DAAM2: variants seen among roughly 807,000 people sequenced by gnomAD.
DAAM2 encodes dishevelled associated activator of morphogenesis 2, also known as disheveled-associated activator of morphogenesis 2.
In DAAM2, 39 loss-of-function variants were observed where a neutral mutation model predicts 120.7. The ratio of observed to expected loss-of-function variants is 0.32; its 90% CI spans 0.25 to 0.42. The LOEUF is 0.42. Ranked by LOEUF, DAAM2 falls within the 10% of genes least tolerant of loss-of-function variation. The pLI, the probability that DAAM2 is intolerant of heterozygous loss-of-function variation, is 1.00. For synonymous variants in DAAM2, 488 were observed against 524.9 expected, an observed-to-expected ratio of 0.93 and a Z score of 0.96; for missense variants, 1,283 against 1,401.7, an observed-to-expected ratio of 0.92 and a Z score of 1.35.
chr6:39,891,549 A>G, intron 18 of DAAM2, 85 bp from the exon 19 acceptor site: 1 of 1,516,796 alleles, frequency 6.6e-7, no homozygotes, highest in Admixed American at 1.9e-5. Flanking sequence ...GGCAGGCTTG[A>G]GAGGAGACTG....
rs375042575 is a variant in DAAM2 at position 39,879,318 on chromosome 6, C to G, written c.1686C>G (p.Pro562=). 1.9e-6 allele frequency: 3 copies of G among 1,586,892 alleles called. No homozygotes were observed. The highest frequency in any genetic ancestry group is 2.6e-6 in the Non-Finnish European group (3 of 1,160,590). ...CTCCCCCACCACCACCCCTTCCTCC[C>G]GGGGGACCCCCGACTCCCCCAGGTG... The part of the protein sequence containing the change: ...CPPPPPPPLP[P]GGPPTPPGAP... Residue 562 remains proline (P), a synonymous_variant, in exon 14 of 25, where the codon CCC becomes CCG. Transcript: ENST00000274867.
At chr6:39,870,221 T>G in intron 7 of DAAM2, 119 bp from the exon 8 acceptor site, 5 of 652,024 alleles carry the variant, frequency 7.7e-6, no homozygotes, top group Non-Finnish European at 1.1e-5. Context: ...CAGCTCCAGG[T>G]GAGTTAGCTG....
chr6:39,800,985 T>A (rs1470694070), intron 1 of DAAM2, among the ~76,000 whole-genome samples: 1 of 152,174 alleles, frequency 6.6e-6, no homozygotes, highest in African/African-American at 2.4e-5. Context: ...ATTTAATAAC[T>A]TGCCCAACAA....
intron 19 of DAAM2, 109 bp downstream of exon 19, chr6:39,891,831 C>A: frequency 1.2e-6 from 1 of 837,234 alleles, no homozygotes; most frequent in Non-Finnish European, 1.9e-6. Context: ...TTATTCTCAA[C>A]CCAAAAACAA....
intron 1 of DAAM2, among the ~76,000 whole-genome samples, chr6:39,827,158 G>A (rs1239496391): frequency 1.3e-5 from 2 of 152,222 alleles, no homozygotes; most frequent in Admixed American, 6.5e-5. Flanking sequence ...TCTGTAGTGG[G>A]AGAGAAGAGT....
chr6:39,852,450 A>G (rs1406831882), intron 1 of DAAM2, among the ~76,000 whole-genome samples: 1 of 152,156 alleles, frequency 6.6e-6, no homozygotes, highest in African/African-American at 2.4e-5. Flanking sequence ...GAGCTGGGTG[A>G]CTTCATAAAT....
intron 1 of DAAM2, among the ~76,000 whole-genome samples, chr6:39,802,348 G>A (rs1761888796): frequency 6.6e-6 from 1 of 152,224 alleles, no homozygotes; most frequent in Non-Finnish European, 1.5e-5. Context: ...CTTGCTAGCT[G>A]TGTGACCTTG....
At chr6:39,871,291 C>T (rs11758894) in intron 8 of DAAM2, among the ~76,000 whole-genome samples, 13,124 of 152,014 alleles carry the variant, frequency 0.086, 1,137 homozygotes, top group African/African-American at 0.22. Context: ...GTGAAGGGAC[C>T]CTGGATTGGC....
chr6:39,822,559 C>A (rs917326874), intron 1 of DAAM2: 8 of 152,140 alleles, frequency 5.3e-5, no homozygotes, highest in Admixed American at 1.3e-4. Context: ...TATTCTGTAC[C>A]TTGAATGCAC....
chr6:39,893,904 G>A lies in DAAM2; in HGVS notation c.2341+2182G>A, dbSNP rs371869859. On this transcript the variant is annotated intron_variant, in intron 19 of 24. Coordinates refer to ENST00000274867, the MANE Select transcript of DAAM2 (RefSeq NM_001201427.2). Reference sequence around the variant, plus strand: ...CTATCCCAGCTAGGTGTGATGAGCTGTTGACACCTGCCCTCCTATCCCCAG... The same window carrying A: ...CTATCCCAGCTAGGTGTGATGAGCTATTGACACCTGCCCTCCTATCCCCAG... 7.5e-4 allele frequency among the ~76,000 whole-genome samples: 114 copies of A among 152,296 alleles called. 2 individuals are homozygous for A. In the South Asian group the frequency reaches 0.023, roughly 31 times the overall value.
chr6:39,889,033 G>T, intron 17 of DAAM2: 1 of 253,268 alleles, frequency 3.9e-6, no homozygotes, highest in Non-Finnish European at 7.5e-6. Flanking sequence ...TTCCCTCTCA[G>T]TTTTTTGGAT....
Position 39,901,692 on chromosome 6 carries a change from G to T in DAAM2, c.2983-121G>T. On this transcript the variant is annotated intron_variant, in intron 24 of 24. Coordinates refer to ENST00000274867, the MANE Select transcript of DAAM2 (RefSeq NM_001201427.2). This position sits in a 1 kb window ranked among gnomAD's most constrained non-coding sequence, Gnocchi z 4.5. The stretch of plus-strand genomic sequence containing the variant: ...TATGTCCTAGGCAGGAAGAAAGTGG[G>T]GCCAACAGATACAGGCAGGCAGCAT... 1 of 1,050,574 alleles carries T rather than the reference G, an allele frequency of 9.5e-7. No individual in the cohort carries two copies. The highest frequency in any genetic ancestry group is 1.7e-5 in the South Asian group (1 of 59,362). 65.1% of individuals were successfully genotyped at this position (1,050,574 alleles called of 1,614,324 possible).
At chr6:39,885,450 TGA>T (rs946667790) in intron 15 of DAAM2, 1 of 152,198 alleles carries the variant, frequency 6.6e-6, no homozygotes, top group Non-Finnish European at 1.5e-5. Context: ...CCTCCTCATT[TGA>T]GAGTCTTTCT....
chr6:39,813,578 CT>C (rs58038469), intron 1 of DAAM2, among the ~76,000 whole-genome samples: 5,180 of 152,210 alleles, frequency 0.034, 155 homozygotes, highest in South Asian at 0.15. Context: ...AAAAAATTCT[CT>C]CCTTTATTAT....
chr6:39,864,586 C>T (rs1351131964), intron 4 of DAAM2, 79 bp downstream of exon 4: 4 of 1,191,266 alleles, frequency 3.4e-6, no homozygotes, highest in Non-Finnish European at 4.8e-6. Context: ...CCCCCACCCC[C>T]CACACACCAA....
At position 39,879,208 on chromosome 6, in the gene DAAM2, G is replaced by A. The variant is rs1424221001; in HGVS notation, c.1576G>A (p.Gly526Arg). ...CCCTGTATCTTCCCCACCACCCCCT[G>A]GGGGCCCACTCACCTTGTCTTCCTC... ...TGPVSSPPPP[G>R]GPLTLSSSMT... Residue 526 changes from glycine (G) to arginine (R), a missense_variant, in exon 14 of 25, where the codon GGG becomes AGG. This residue lies in a region of DAAM2 where 748 missense variants were observed against 768.6 expected (regional missense o/e 0.97). Coordinates refer to ENST00000274867, the MANE Select transcript of DAAM2 (RefSeq NM_001201427.2). 6.5e-7 allele frequency: 1 copy of A among 1,549,342 alleles called. No homozygotes were observed. The highest frequency in any genetic ancestry group is 2.4e-5 in the East Asian group (1 of 40,878).
At chr6:39,864,951 G>A in intron 4 of DAAM2, 29 bp from the exon 5 acceptor site, 1 of 1,578,010 alleles carries the variant, frequency 6.3e-7, no homozygotes, top group Admixed American at 1.8e-5. Context: ...TGGGAGACAG[G>A]CAGCCCCTTT....
chr6:39,850,621 G>A (rs1305195543), intron 1 of DAAM2, among the ~76,000 whole-genome samples: 1 of 152,126 alleles, frequency 6.6e-6, no homozygotes, highest in Non-Finnish European at 1.5e-5. Context: ...TCTAAAACTT[G>A]GTCTTTGGGC....
chr6:39,900,044 C>A, intron 22 of DAAM2, 33 bp from the exon 23 acceptor site: 1 of 1,586,528 alleles, frequency 6.3e-7, no homozygotes, highest in Non-Finnish European at 8.6e-7. Flanking sequence ...ATCTTGGCAC[C>A]AGTCTAAGCA....
Sources: allele counts gnomAD v4.1 joint callset (sites outside exome capture counted in the v4.1 genomes callset), GRCh38; gene constraint gnomAD v4.1.1; regional missense constraint gnomAD v4.1.1; non-coding constraint Gnocchi (gnomAD v3.1); transcripts MANE v1.5; gene names NCBI Gene and HGNC (gene_info 2026-07-23, HGNC 2026-07-21).